TRPM6: variants seen among roughly 807,000 people sequenced by gnomAD.
The protein encoded by TRPM6 is transient receptor potential cation channel subfamily M member 6.
A neutral mutation model predicts 247.6 loss-of-function variants in TRPM6; 111 were observed. The ratio of observed to expected loss-of-function variants is 0.45; its 90% CI spans 0.38 to 0.52. The LOEUF (loss-of-function observed/expected upper bound fraction) is 0.52, where lower values mean the gene tolerates loss of function less well. TRPM6 is among the 20% of genes least tolerant of loss of function. TRPM6 has a pLI of 0.00. For synonymous variants in TRPM6, 892 were observed against 853.8 expected (o/e 1.04, Z -0.78); for missense variants, 2,126 against 2,421.5 (o/e 0.88, Z 2.56).
intron 6 of TRPM6, 109 bp from the exon 7 acceptor site, chr9:74,828,058 A>C (rs1423419834): frequency 1.6e-6 from 2 of 1,222,592 alleles, no homozygotes; most frequent in Non-Finnish European, 2.3e-6. Flanking sequence ...TCTAGTTTAA[A>C]AAGTACTACT....
chr9:74,850,124 C>T (rs969300173), intron 3 of TRPM6, among the ~76,000 whole-genome samples: 17 of 152,210 alleles, frequency 1.1e-4, no homozygotes, highest in African/African-American at 4.1e-4. Context: ...GTAATGCCAG[C>T]ACTTTGGGAG....
chr9:74,804,992 T>G (rs1828483345), intron 14 of TRPM6, among the ~76,000 whole-genome samples: 1 of 152,180 alleles, frequency 6.6e-6, no homozygotes, highest in African/African-American at 2.4e-5. Context: ...CTTAAACAAT[T>G]AAAGACTAAT....
rs901600319 is a variant in TRPM6, at chr9:74,853,455, G to A, written c.152+2072C>T. ...GGGGAAAAGGAAGAGAAATCAGATT[G>A]TTACCGTGTCTGTGCGGAAATAAGT... On this transcript the variant is annotated intron_variant, in intron 3 of 38. Coordinates refer to ENST00000360774, the MANE Select transcript of TRPM6 (RefSeq NM_017662.5). Among the ~76,000 whole-genome samples, 6 of 152,240 alleles carry A rather than the reference G, an allele frequency of 3.9e-5. No individual in the cohort carries two copies. In the East Asian group the frequency reaches 9.6e-4, roughly 24 times the overall value.
intron 30 of TRPM6, among the ~76,000 whole-genome samples, chr9:74,749,881 C>T (rs1429443273): frequency 1.3e-5 from 2 of 152,148 alleles, no homozygotes; most frequent in Non-Finnish European, 2.9e-5. Context: ...CTAAACAGAG[C>T]TGACTGCAAA....
At position 74,796,876 on chromosome 9, in the gene TRPM6, A is replaced by C; in HGVS notation, c.2256T>G (p.Ile752Met). 6.2e-7 allele frequency: 1 copy of C among 1,613,872 alleles called. No individual in the cohort carries two copies. Among genetic ancestry groups the C allele is most frequent in the Non-Finnish European group, 8.5e-7 (1 of 1,179,780 alleles). The change falls in exon 18 of 39, where the codon ATT becomes ATG. Residue 752 changes from isoleucine to methionine, a missense_variant. Coordinates refer to ENST00000360774, the MANE Select transcript of TRPM6 (RefSeq NM_017662.5). ...CCAGTGTCAAAATGGTGGGTGGTAA[A>C]ATAATGCTTATAATAATCTGTAAAA... is the stretch of plus-strand genomic sequence containing the variant. ...NSWLKIIISI[I>M]LPPTILTLEF...
rs190320365 is a variant in TRPM6 at position 74,840,732 on chromosome 9, G to A, written c.331-495C>T. Among the ~76,000 whole-genome samples, 3 of 150,710 alleles carry A rather than the reference G, an allele frequency of 2.0e-5. No individual in the cohort carries two copies. The East Asian group carries it at 5.9e-4, about 30-fold the overall frequency. On this transcript the variant is annotated intron_variant, in intron 4 of 38. Transcript: ENST00000360774. ...CCCGGGTGACTGAGGCAGGAGAACCGCTTGAGCCCAGGAGGCGGAGGTTGC... is the reference window on the plus strand; with the variant it reads ...CCCGGGTGACTGAGGCAGGAGAACCACTTGAGCCCAGGAGGCGGAGGTTGC...
At chr9:74,793,819 T>C (rs187228178) in intron 18 of TRPM6, among the ~76,000 whole-genome samples, 1 of 151,896 alleles carries the variant, frequency 6.6e-6, no homozygotes, top group Admixed American at 6.5e-5. Context: ...TGTACATGCA[T>C]TTTTCTGGGG....
intron 15 of TRPM6, among the ~76,000 whole-genome samples, chr9:74,803,295 TACAC>T (rs3056763): frequency 4.7e-4 from 71 of 149,510 alleles, no homozygotes; most frequent in East Asian, 1.8e-3. Context: ...AACAATGTTG[TACAC>T]ACACACACAC....
intron 14 of TRPM6, among the ~76,000 whole-genome samples, chr9:74,805,086 A>G (rs1828486115): frequency 6.6e-6 from 1 of 152,242 alleles, no homozygotes; most frequent in Admixed American, 6.5e-5. Context: ...ATGAGCAAAG[A>G]CTGAATCAAG....
chr9:74,739,949 C>A lies in TRPM6; in HGVS notation c.5261G>T (p.Ser1754Ile), dbSNP rs1325320489. 6.2e-7 allele frequency: 1 copy of A among 1,614,108 alleles called. No individual in the cohort carries two copies. The highest frequency in any genetic ancestry group is 8.5e-7 in the Non-Finnish European group (1 of 1,180,016). Residue 1754 changes from serine (S) to isoleucine (I), a missense_variant, in exon 34 of 39, where the codon AGC (serine) becomes ATC (isoleucine). Transcript: ENST00000360774. ...EESSPLNLDK[S>I]MSSWSQRGRA... ...CCCACGCTGAGACCAAGAGGACATGCTTTTATCAAGGTTTAAAGGGGAACT... is the reference window on the plus strand; with the variant it reads ...CCCACGCTGAGACCAAGAGGACATGATTTTATCAAGGTTTAAAGGGGAACT...
chr9:74,836,875 A>G (rs1258305722), intron 5 of TRPM6, among the ~76,000 whole-genome samples: 1 of 152,144 alleles, frequency 6.6e-6, no homozygotes, highest in Non-Finnish European at 1.5e-5. Context: ...TCCTACCTTT[A>G]CCACAAGACC....
At chr9:74,780,884 C>T (rs951956420) in intron 23 of TRPM6, among the ~76,000 whole-genome samples, 5 of 152,108 alleles carry the variant, frequency 3.3e-5, no homozygotes, top group African/African-American at 1.2e-4. Context: ...GGAACATCAA[C>T]AAAAACTCGT....
intron 1 of TRPM6, among the ~76,000 whole-genome samples, chr9:74,860,481 C>A (rs1830662192): frequency 6.6e-6 from 1 of 152,064 alleles, no homozygotes; most frequent in South Asian, 2.1e-4. Flanking sequence ...GCCTCAGCCT[C>A]CTGAGTAGGT....
At chr9:74,780,042 T>C (rs951829906) in intron 23 of TRPM6, among the ~76,000 whole-genome samples, 1 of 151,286 alleles carries the variant, frequency 6.6e-6, no homozygotes, top group Non-Finnish European at 1.5e-5. Flanking sequence ...TGTGGTGGCA[T>C]GCACCTGTAG....
At chr9:74,769,918 A>G (rs1826973232) in intron 25 of TRPM6, among the ~76,000 whole-genome samples, 1 of 152,182 alleles carries the variant, frequency 6.6e-6, no homozygotes, top group Non-Finnish European at 1.5e-5. Context: ...TCTATGCTTC[A>G]TACAAAACGG....
At chr9:74,817,988 T>C (rs1034087117) in intron 9 of TRPM6, among the ~76,000 whole-genome samples, 1 of 152,140 alleles carries the variant, frequency 6.6e-6, no homozygotes, top group African/African-American at 2.4e-5. Flanking sequence ...TAAAAAACTA[T>C]GCTTCTATAA....
intron 7 of TRPM6, chr9:74,826,627 C>T (rs1357397938): frequency 6.5e-6 from 1 of 152,750 alleles, no homozygotes; most frequent in Non-Finnish European, 1.5e-5. Flanking sequence ...CTCCCTTCTC[C>T]TTGCCCTCCT....
intron 17 of TRPM6, among the ~76,000 whole-genome samples, chr9:74,798,172 T>A (rs914141156): frequency 6.6e-6 from 1 of 152,192 alleles, no homozygotes; most frequent in African/African-American, 2.4e-5. Context: ...GCCTTAGTAT[T>A]CTGGTATTCA....
chr9:74,842,159 A>G lies in TRPM6; in HGVS notation c.330+7T>C, dbSNP rs202202984. Reference sequence around the variant, plus strand: ...AACCAGCAAAACAATTTGGGTTATTAGCAAACCTTGGCATGATGGGTGTGC... The same window carrying G: ...AACCAGCAAAACAATTTGGGTTATTGGCAAACCTTGGCATGATGGGTGTGC... On this transcript the variant is annotated splice_region_variant and intron_variant, in intron 4 of 38. Transcript: ENST00000360774. 19 of 1,613,420 alleles carry G rather than the reference A, an allele frequency of 1.2e-5. No homozygotes were observed. The highest frequency in any genetic ancestry group is 1.5e-5 in the Non-Finnish European group (18 of 1,179,798).
Sources: allele counts gnomAD v4.1 joint callset (sites outside exome capture counted in the v4.1 genomes callset), GRCh38; gene constraint gnomAD v4.1.1; transcripts MANE v1.5; gene names NCBI Gene and HGNC (gene_info 2026-07-23, HGNC 2026-07-21).